The following ESF1 variants were observed in gnomAD, a reference collection of about 807,000 sequenced individuals.
The protein encoded by ESF1 is ESF1 homolog.
Under a neutral mutation model 92.0 loss-of-function variants are expected in ESF1, and 58 were observed. The ratio of observed to expected loss-of-function variants is 0.63; its 90% confidence interval spans 0.51 to 0.78. ESF1 has a LOEUF of 0.78. Ranked by LOEUF, ESF1 falls within the 30% of genes least tolerant of loss-of-function variation. The probability of loss-of-function intolerance (pLI) is 0.00; values close to 1 mark genes in which losing one functional copy is unlikely to be tolerated. For synonymous variants in ESF1, 321 were observed against 313.7 expected, an observed-to-expected ratio of 1.02 and a Z score of -0.24; for missense variants, 922 against 989.1, an observed-to-expected ratio of 0.93 and a Z score of 0.91.
chr20:13,771,897 TAACTAC>T (rs1246067014), intron 5 of ESF1, among the ~76,000 whole-genome samples: 1 of 147,808 alleles, frequency 6.8e-6, no homozygotes, highest in Non-Finnish European at 1.5e-5. Flanking sequence ...TGATTTTGCT[TAACTAC>T]AACACATTCT....
chr20:13,739,467 TTTTC>T (rs1245911244), intron 9 of ESF1, among the ~76,000 whole-genome samples: 1 of 152,176 alleles, frequency 6.6e-6, no homozygotes, highest in Admixed American at 6.5e-5. Context: ...TATTTGTATG[TTTTC>T]TTTGTCTTTC....
At chr20:13,748,923 C>T (rs1389274556) in intron 9 of ESF1, among the ~76,000 whole-genome samples, 21 of 151,928 alleles carry the variant, frequency 1.4e-4, no homozygotes, top group Admixed American at 1.4e-3. Flanking sequence ...TCTTCTGGAT[C>T]AAAATTATGC....
intron 10 of ESF1, among the ~76,000 whole-genome samples, chr20:13,731,401 G>A (rs1416625619): frequency 1.3e-5 from 2 of 151,812 alleles, no homozygotes; most frequent in African/African-American, 4.8e-5. Flanking sequence ...GTGTGGTGGC[G>A]GGCGCCTGTA....
intron 5 of ESF1, among the ~76,000 whole-genome samples, chr20:13,772,000 A>T (rs1345410669): frequency 6.6e-6 from 1 of 150,718 alleles, no homozygotes; most frequent in Admixed American, 6.6e-5. Flanking sequence ...TCCTGTCACT[A>T]ATCTATTTAA....
In ESF1 at chr20:13,771,386, A is replaced by T. The variant is rs201842273; in HGVS notation, c.1348T>A (p.Tyr450Asn). ...CDSPETASKI[Y>N]EDCDGLEFES... The stretch of plus-strand genomic sequence containing the variant: ...AATTCCAGGCCATCACAATCCTCAT[A>T]AATTTTACTAGCTGTTTCCGGAGAA... Residue 450 changes from tyrosine (Y) to asparagine (N), a missense_variant, in exon 6 of 14, where the codon TAT (tyrosine) becomes AAT (asparagine). Tyr to Asn is a moderately radical substitution (Grantham distance 143). Transcript: ENST00000617257. 7 of 1,612,868 alleles carry T rather than the reference A, an allele frequency of 4.3e-6. No homozygotes were observed. The highest frequency in any genetic ancestry group is 5.9e-6 in the Non-Finnish European group (7 of 1,179,680).
At chr20:13,767,197 G>A (rs369501323) in intron 7 of ESF1, among the ~76,000 whole-genome samples, 31 of 152,040 alleles carry the variant, frequency 2.0e-4, no homozygotes, top group African/African-American at 6.8e-4. Context: ...AATTAATTAC[G>A]GTGCAAAAAA....
intron 9 of ESF1, among the ~76,000 whole-genome samples, chr20:13,739,387 C>G (rs1166182549): frequency 1.3e-5 from 2 of 152,150 alleles, no homozygotes; most frequent in African/African-American, 2.4e-5. Context: ...TTCTTAAAAG[C>G]TAACTTCAAA....
chr20:13,728,031 A>T (rs1464606426), intron 11 of ESF1, among the ~76,000 whole-genome samples: 1 of 152,228 alleles, frequency 6.6e-6, no homozygotes, highest in Non-Finnish European at 1.5e-5. Flanking sequence ...AAAATCAGTG[A>T]AAGTACACAA....
At chr20:13,779,129 C>A (rs1172622504) in intron 2 of ESF1, among the ~76,000 whole-genome samples, 4 of 152,242 alleles carry the variant, frequency 2.6e-5, no homozygotes, top group South Asian at 4.1e-4. Flanking sequence ...TGTGGGGTTA[C>A]ACAAATATAA....
chr20:13,732,517 A>T (rs1011650260), intron 10 of ESF1, among the ~76,000 whole-genome samples: 10 of 152,222 alleles, frequency 6.6e-5, no homozygotes, highest in African/African-American at 2.4e-4. Context: ...AACACACAGT[A>T]TAGAAACAGT....
chr20:13,755,396 G>A (rs1010456033), intron 9 of ESF1, among the ~76,000 whole-genome samples: 31 of 152,210 alleles, frequency 2.0e-4, no homozygotes, highest in African/African-American at 7.5e-4. Flanking sequence ...AAAATATTAT[G>A]TAGATTAACT....
At chr20:13,760,985 T>C (rs943345966) in intron 8 of ESF1, among the ~76,000 whole-genome samples, 10 of 152,208 alleles carry the variant, frequency 6.6e-5, no homozygotes, top group Non-Finnish European at 1.2e-4. Context: ...GGTTGCTGTG[T>C]CTGTGTAGAA....
chr20:13,760,332 T>A (rs1979110055), intron 8 of ESF1, among the ~76,000 whole-genome samples: 1 of 134,942 alleles, frequency 7.4e-6, no homozygotes, highest in Non-Finnish European at 1.6e-5. Flanking sequence ...CCGGCCGCCA[T>A]CCCATCTAGG....
At chr20:13,742,522 A>G (rs1186590892) in intron 9 of ESF1, among the ~76,000 whole-genome samples, 1 of 152,112 alleles carries the variant, frequency 6.6e-6, no homozygotes, top group East Asian at 1.9e-4. Context: ...CTCAGCAATT[A>G]TACTCCTAAC....
chr20:13,742,664 T>TAG (rs1487210804), intron 9 of ESF1, among the ~76,000 whole-genome samples: 1 of 151,968 alleles, frequency 6.6e-6, no homozygotes, highest in Non-Finnish European at 1.5e-5. Context: ...AACTATAGTA[T>TAG]AGAAGTTAAA....
At chr20:13,743,531 C>G (rs1489894653) in intron 9 of ESF1, among the ~76,000 whole-genome samples, 4 of 125,574 alleles carry the variant, frequency 3.2e-5, no homozygotes, top group Non-Finnish European at 6.7e-5. Flanking sequence ...ATATATACAA[C>G]AAAATATTAT....
chr20:13,753,891 T>C (rs1978753945), intron 9 of ESF1, among the ~76,000 whole-genome samples: 1 of 152,214 alleles, frequency 6.6e-6, no homozygotes, highest in African/African-American at 2.4e-5. Flanking sequence ...TTCCACATGC[T>C]TAGCATTCCA....
At chr20:13,722,743 T>C (rs2049876329) in intron 11 of ESF1, among the ~76,000 whole-genome samples, 1 of 151,732 alleles carries the variant, frequency 6.6e-6, no homozygotes, top group East Asian at 1.9e-4. Context: ...TCCCAGCTAC[T>C]TGGGAGGCTG....
At chr20:13,780,099 G>T (rs1980111298) in intron 2 of ESF1, among the ~76,000 whole-genome samples, 1 of 152,150 alleles carries the variant, frequency 6.6e-6, no homozygotes, top group Non-Finnish European at 1.5e-5. Context: ...TATGAGTAAT[G>T]CCTTTCCTAG....
Sources: gnomAD v4.1 joint callset for allele counts (sites outside exome capture counted in the v4.1 genomes callset) on GRCh38, gnomAD v4.1.1 for gene constraint, MANE v1.5 for transcripts, NCBI Gene and HGNC (gene_info 2026-07-23, HGNC 2026-07-21) for gene names.